Variants in DGKB observed in about 807,000 individuals in gnomAD.
DGKB encodes 90 kDa diacylglycerol kinase.
In DGKB, 67 loss-of-function variants were observed where a neutral mutation model predicts 114.3. That is an observed-to-expected ratio of 0.59 (90% CI 0.48 to 0.72). The LOEUF is 0.72. DGKB is among the 30% of genes least tolerant of loss of function. The probability of loss-of-function intolerance (pLI) is 0.00; values close to 1 mark genes in which losing one functional copy is unlikely to be tolerated. For missense variants in DGKB, 907 were observed against 975.2 expected, an observed-to-expected ratio of 0.93 and a Z score of 0.93; for synonymous variants, 398 against 323.1, an observed-to-expected ratio of 1.23 and a Z score of -2.49.
intron 23 of DGKB, among the ~76,000 whole-genome samples, chr7:14,216,458 G>T (rs757130677): frequency 1.6e-4 from 24 of 152,026 alleles, no homozygotes; most frequent in Non-Finnish European, 3.2e-4. Context: ...GGGCACAGTG[G>T]CTCACGCCTG....
chr7:14,884,445 T>A (rs1393302583), intron 1 of DGKB, among the ~76,000 whole-genome samples: 1 of 151,994 alleles, frequency 6.6e-6, no homozygotes, highest in South Asian at 2.1e-4. Context: ...CCATGGAAGA[T>A]TGACCTTGTC....
intron 4 of DGKB, among the ~76,000 whole-genome samples, chr7:14,739,439 C>T (rs1162524301): frequency 6.6e-6 from 1 of 152,172 alleles, no homozygotes; most frequent in Non-Finnish European, 1.5e-5. Flanking sequence ...GTGTGGTGGC[C>T]TGGTATTCAA....
intron 23 of DGKB, among the ~76,000 whole-genome samples, chr7:14,321,742 C>G (rs1451511677): frequency 1.3e-5 from 2 of 151,982 alleles, no homozygotes; most frequent in Non-Finnish European, 2.9e-5. Flanking sequence ...TTTTAGAAAG[C>G]TGTGTATTTT....
At chr7:14,446,162 T>C (rs1440040692) in intron 21 of DGKB, among the ~76,000 whole-genome samples, 2 of 152,092 alleles carry the variant, frequency 1.3e-5, no homozygotes, top group Non-Finnish European at 2.9e-5. Context: ...TTGAAGTCAA[T>C]TTGTCCTCTA....
chr7:14,496,666 C>T lies in DGKB; in HGVS notation c.1771-18441G>A, dbSNP rs571771564. On this transcript the variant is annotated intron_variant, in intron 20 of 25. Transcript: ENST00000402815. The stretch of plus-strand genomic sequence containing the variant: ...CTTCTTCCCTTAACTACTCATTTTT[C>T]TTTGAAACTTATTGGAAATGCATCA... Among the ~76,000 whole-genome samples the T allele has an allele frequency of 4.0e-5, 6 of 151,816 alleles. No individual in the cohort carries two copies. The South Asian group carries it at 8.3e-4, about 21-fold the overall frequency.
chr7:14,864,270 CA>C (rs1851406522), intron 1 of DGKB, among the ~76,000 whole-genome samples: 1 of 152,008 alleles, frequency 6.6e-6, no homozygotes, highest in Non-Finnish European at 1.5e-5. Flanking sequence ...ACTTAAATAG[CA>C]GAATCTATGT....
chr7:14,286,986 T>C (rs1436921286), intron 23 of DGKB, among the ~76,000 whole-genome samples: 1 of 152,100 alleles, frequency 6.6e-6, no homozygotes, highest in Non-Finnish European at 1.5e-5. Context: ...ATACACATAT[T>C]AACTTTTACA....
chr7:14,695,865 T>A (rs1328741761), intron 8 of DGKB, among the ~76,000 whole-genome samples: 1 of 151,976 alleles, frequency 6.6e-6, no homozygotes, highest in African/African-American at 2.4e-5. Context: ...GTACATTTGT[T>A]TACAATGAGA....
intron 20 of DGKB, among the ~76,000 whole-genome samples, chr7:14,508,240 T>C (rs1348636008): frequency 6.6e-6 from 1 of 152,224 alleles, no homozygotes; most frequent in Non-Finnish European, 1.5e-5. Flanking sequence ...GCTCAAATTG[T>C]GGCTCTATTA....
intron 6 of DGKB, among the ~76,000 whole-genome samples, chr7:14,708,563 T>A (rs1826717536): frequency 6.6e-6 from 1 of 151,456 alleles, no homozygotes; most frequent in Non-Finnish European, 1.5e-5. Flanking sequence ...GACTTCAAAC[T>A]ATACTACAAG....
At chr7:14,945,879 A>G (rs1469297940) in intron 1 of DGKB, among the ~76,000 whole-genome samples, 2 of 151,688 alleles carry the variant, frequency 1.3e-5, no homozygotes, top group Admixed American at 1.3e-4. Flanking sequence ...AATTTTATTT[A>G]TAGTAGACAA....
At chr7:14,406,436 G>C (rs1479734329) in intron 21 of DGKB, among the ~76,000 whole-genome samples, 1 of 151,954 alleles carries the variant, frequency 6.6e-6, no homozygotes, top group Non-Finnish European at 1.5e-5. Context: ...GAAAAATCCT[G>C]CCTGACCCTG....
At chr7:14,695,494 CTTTTTTTT>C (rs1173622205) in intron 8 of DGKB, among the ~76,000 whole-genome samples, 5 of 75,166 alleles carry the variant, frequency 6.7e-5, no homozygotes, top group African/African-American at 2.3e-4. Context: ...CTCTCTCTCT[CTTTTTTTT>C]TTTTTTTTTT....
chr7:14,170,907 C>A (rs1780896991), intron 25 of DGKB, among the ~76,000 whole-genome samples: 1 of 152,120 alleles, frequency 6.6e-6, no homozygotes. Context: ...GTGTCCAAGT[C>A]AAGGAGGTGC....
intron 18 of DGKB, among the ~76,000 whole-genome samples, chr7:14,582,494 T>C (rs1800084928): frequency 6.6e-6 from 1 of 152,198 alleles, no homozygotes. Flanking sequence ...TAAGACTTTG[T>C]TGTAGTTATT....
intron 2 of DGKB, among the ~76,000 whole-genome samples, chr7:14,804,567 A>G (rs937688223): frequency 1.8e-4 from 28 of 151,758 alleles, no homozygotes; most frequent in African/African-American, 6.5e-4. Flanking sequence ...TCCTCTTTCA[A>G]TTCTAGACAA....
At chr7:14,856,279 C>A (rs1317473308) in intron 1 of DGKB, among the ~76,000 whole-genome samples, 1 of 152,024 alleles carries the variant, frequency 6.6e-6, no homozygotes, top group East Asian at 1.9e-4. Flanking sequence ...ACAGAAAACA[C>A]AAAGATCCTG....
chr7:14,217,817 C>T (rs937341844), intron 23 of DGKB, among the ~76,000 whole-genome samples: 3 of 152,092 alleles, frequency 2.0e-5, no homozygotes, highest in Non-Finnish European at 4.4e-5. Flanking sequence ...AGGCTCTCCT[C>T]AAGACAGGTG....
At chr7:14,347,101 A>G (rs1812603469) in intron 21 of DGKB, among the ~76,000 whole-genome samples, 1 of 151,986 alleles carries the variant, frequency 6.6e-6, no homozygotes, top group South Asian at 2.1e-4. Flanking sequence ...ACTTATGGGC[A>G]TATCAGTTTG....
Sources: gnomAD v4.1 joint callset for allele counts (sites outside exome capture counted in the v4.1 genomes callset) on GRCh38, gnomAD v4.1.1 for gene constraint, MANE v1.5 for transcripts, NCBI Gene and HGNC (gene_info 2026-07-23, HGNC 2026-07-21) for gene names.